The following NOS1 variants were observed in gnomAD, a reference collection of about 807,000 sequenced individuals.
NOS1 encodes NOS type I.
Under a neutral mutation model 164.5 loss-of-function variants are expected in NOS1, and 51 were observed. That is an observed-to-expected ratio of 0.31 (90% CI 0.25 to 0.39). The LOEUF (loss-of-function observed/expected upper bound fraction) is 0.39. Among genes scored for constraint, NOS1 ranks in the 10% least tolerant of loss-of-function variants. The pLI is 1.00. For synonymous variants in NOS1, 719 were observed against 745.8 expected (o/e 0.96, Z 0.59); for missense variants, 1,362 against 1,885.6 (o/e 0.72, Z 5.14).
At position 117,218,056 on chromosome 12, in the gene NOS1, C is replaced by CT. The variant is rs781486831; in HGVS notation, c.4278dup (p.Asp1427ArgfsTer4). 2 of 1,613,302 alleles carry CT rather than the reference C, an allele frequency of 1.2e-6. No homozygotes were observed. Among genetic ancestry groups the CT allele is most frequent in the Non-Finnish European group, 1.7e-6 (2 of 1,179,264 alleles). ...ATGGAGCCAGCTTACTCATCGGTGT[C>CT]TTTTTTGCTCTCTTCAATGAAGGCA... is the stretch of plus-strand genomic sequence containing the variant. On this transcript the variant is annotated frameshift_variant, in exon 28 of 29. Coordinates refer to ENST00000317775, the MANE Select transcript of NOS1 (RefSeq NM_000620.5). LOFTEE classifies it high-confidence loss of function.
At position 117,356,443 on chromosome 12, in the gene NOS1, G is replaced by T. The variant is rs958844170; in HGVS notation, c.-421+5069C>A. Among the ~76,000 whole-genome samples the T allele has an allele frequency of 2.6e-5, 4 of 152,128 alleles. No homozygotes were observed. Among genetic ancestry groups the T allele is most frequent in the African/African-American group, 9.7e-5 (4 of 41,418 alleles). On this transcript the variant is annotated intron_variant, in intron 1 of 28. Transcript: ENST00000317775. This position sits in a 1 kb window ranked among gnomAD's most constrained non-coding sequence, Gnocchi z 4.2. ...TGATTCCTTCAACCACCTGTCCTGG[G>T]TCCTACCACAGCACCTCACCTCCAC...
chr12:117,349,054 G>A (rs1012633075), intron 1 of NOS1, among the ~76,000 whole-genome samples: 6 of 152,224 alleles, frequency 3.9e-5, no homozygotes, highest in Non-Finnish European at 7.3e-5. Flanking sequence ...CAACTTTTCC[G>A]TGAATCTAAA....
chr12:117,326,181 T>C (rs492596), intron 2 of NOS1, among the ~76,000 whole-genome samples: 113,421 of 151,780 alleles, frequency 0.75, 43,142 homozygotes, highest in South Asian at 0.83. Context: ...AGGTCAGGAG[T>C]TCAGGACCAG....
chr12:117,241,980 C>G (rs1870214915), intron 20 of NOS1, among the ~76,000 whole-genome samples: 1 of 152,128 alleles, frequency 6.6e-6, no homozygotes, highest in African/African-American at 2.4e-5. Context: ...GAATCAGGCC[C>G]CACAGGAGAT....
intron 20 of NOS1, among the ~76,000 whole-genome samples, chr12:117,235,211 C>A (rs4766836): frequency 0.11 from 17,196 of 152,170 alleles, 1,342 homozygotes; most frequent in Admixed American, 0.29. Flanking sequence ...GGCCACAATG[C>A]TCAGCCATCA....
intron 11 of NOS1, among the ~76,000 whole-genome samples, chr12:117,266,329 G>C (rs1736799997): frequency 1.3e-5 from 2 of 152,200 alleles, no homozygotes; most frequent in South Asian, 4.2e-4. Context: ...TCGTAGCTTA[G>C]CTCCCACTAA....
chr12:117,331,779 C>G (rs893451406), intron 1 of NOS1, among the ~76,000 whole-genome samples: 1 of 152,150 alleles, frequency 6.6e-6, no homozygotes, highest in Admixed American at 6.5e-5. Context: ...AATCAAGTGA[C>G]GAGAATCAAA....
chr12:117,277,815 G>C, intron 9 of NOS1, 144 bp downstream of exon 9: 1 of 952,672 alleles, frequency 1.0e-6, no homozygotes, highest in Admixed American at 2.7e-5. Flanking sequence ...GCCCAAGCCC[G>C]CAGTGAGGAC....
chr12:117,288,210 A>T lies in NOS1; in HGVS notation c.991T>A (p.Cys331Ser). The T allele has an allele frequency of 6.2e-7, 1 of 1,612,310 alleles. No homozygotes were observed. Among genetic ancestry groups the T allele is most frequent in the Non-Finnish European group, 8.5e-7 (1 of 1,179,326 alleles). ...GAGCCCATGCAGATGTACTCAGTGC[A>T]TCCCGTTTCCTGGAAGATCAAGAGA... The part of the protein sequence containing the change: ...LHLKSTLETG[C>S]TEYICMGSIM... The change falls in exon 5 of 29, where the codon TGC becomes AGC. Residue 331 changes from cysteine (C) to serine (S), a missense_variant. Physicochemically the swap from Cys to Ser is moderately radical, Grantham distance 112 (BLOSUM62 -1). Around this residue, in one of 4 missense-constraint regions of NOS1, gnomAD observed 129 missense variants for 186.0 expected, o/e 0.69. Coordinates refer to ENST00000317775, the MANE Select transcript of NOS1 (RefSeq NM_000620.5).
rs1956521012 is a variant in NOS1 at position 117,211,132 on chromosome 12, T to C, written c.*4177A>G. 1.5e-6 allele frequency: 1 copy of C among 648,218 alleles called. No individual in the cohort carries two copies. The highest frequency in any genetic ancestry group is 1.9e-6 in the Non-Finnish European group (1 of 522,396). The allele number at this position is 648,218 out of a possible 1,614,324, so 40.2% of individuals were successfully genotyped here. A position where few individuals can be genotyped will look rare whatever the true frequency, so the allele number is the denominator to read the frequency against. The stretch of plus-strand genomic sequence containing the variant: ...CCACCATGCCCAGCTAATTTTTGTA[T>C]TTTCTTAGTAGAGTCAGGGTTTCTA... On this transcript the variant is annotated 3_prime_UTR_variant, in exon 29 of 29. Transcript: ENST00000317775.
At chr12:117,305,714 A>G (rs2136048771) in intron 3 of NOS1, among the ~76,000 whole-genome samples, 1 of 151,886 alleles carries the variant, frequency 6.6e-6, no homozygotes, top group African/African-American at 2.4e-5. Context: ...CTGCCTCCTG[A>G]CAGCTCTATT....
intron 1 of NOS1, among the ~76,000 whole-genome samples, chr12:117,339,148 C>T (rs1289734712): frequency 2.6e-5 from 4 of 152,150 alleles, no homozygotes; most frequent in African/African-American, 7.2e-5. Flanking sequence ...TAAGTCATGG[C>T]GGCAAACCCA....
chr12:117,295,748 T>G (rs575812179), intron 3 of NOS1, among the ~76,000 whole-genome samples: 1 of 151,012 alleles, frequency 6.6e-6, no homozygotes, highest in South Asian at 2.1e-4. Flanking sequence ...GCCTCCTGAG[T>G]AGCTGGGATT....
At chr12:117,359,010 A>G (rs1222130703) in intron 1 of NOS1, among the ~76,000 whole-genome samples, 1 of 152,234 alleles carries the variant, frequency 6.6e-6, no homozygotes, top group Non-Finnish European at 1.5e-5. Context: ...GACTATGGCT[A>G]GGTAGTTTGG....
intron 4 of NOS1, among the ~76,000 whole-genome samples, chr12:117,288,883 C>T (rs9658338): frequency 3.3e-4 from 51 of 152,316 alleles, no homozygotes; most frequent in Admixed American, 3.3e-3. Flanking sequence ...TCAGCCAGGA[C>T]CATCCTAGAC....
intron 2 of NOS1, among the ~76,000 whole-genome samples, chr12:117,328,789 C>T (rs1566078351): frequency 2.0e-5 from 3 of 152,210 alleles, no homozygotes; most frequent in African/African-American, 7.2e-5. Flanking sequence ...GGTCATGCAT[C>T]GCTTAATGAC....
chr12:117,228,125 A>C (rs991094081), intron 22 of NOS1, among the ~76,000 whole-genome samples: 1 of 152,092 alleles, frequency 6.6e-6, no homozygotes, highest in Admixed American at 6.6e-5. Flanking sequence ...AAAAGCAAGA[A>C]AGAAAGAAAA....
chr12:117,215,106 T>A lies in NOS1; in HGVS notation c.*203A>T, dbSNP rs982107291. 2 of 1,269,576 alleles carry A rather than the reference T, an allele frequency of 1.6e-6. No individual in the cohort carries two copies. Among genetic ancestry groups the A allele is most frequent in the Non-Finnish European group, 2.0e-6 (2 of 1,001,626 alleles). 78.6% of individuals were successfully genotyped at this position (1,269,576 alleles called of 1,614,324 possible). A position where few individuals can be genotyped will look rare whatever the true frequency, so the allele number is the denominator to read the frequency against. On this transcript the variant is annotated 3_prime_UTR_variant, in exon 29 of 29. Coordinates refer to ENST00000317775, the MANE Select transcript of NOS1 (RefSeq NM_000620.5). ...AGAGCCACTGCAGATTAGAAAAGCA[T>A]TGCATCGCAGCAGGAAAACTCAAGG...
At chr12:117,271,044 C>T (rs1872751571) in intron 10 of NOS1, among the ~76,000 whole-genome samples, 1 of 151,990 alleles carries the variant, frequency 6.6e-6, no homozygotes, top group Non-Finnish European at 1.5e-5. Context: ...CTCCATTCCC[C>T]TACCCACCCC....
Sources: allele counts gnomAD v4.1 joint callset (sites outside exome capture counted in the v4.1 genomes callset), GRCh38; gene constraint gnomAD v4.1.1; regional missense constraint gnomAD v4.1.1; non-coding constraint Gnocchi (gnomAD v3.1); transcripts MANE v1.5; gene names NCBI Gene and HGNC (gene_info 2026-07-23, HGNC 2026-07-21).